The following MATN1 variants were observed in gnomAD, a reference collection of about 807,000 sequenced individuals.
The protein encoded by MATN1 is matrilin 1.
In MATN1, 34 loss-of-function variants were observed where a neutral mutation model predicts 41.3. The ratio of observed to expected loss-of-function variants is 0.82; its 90% CI spans 0.63 to 1.10. The LOEUF (loss-of-function observed/expected upper bound fraction) is 1.10, where lower values mean the gene tolerates loss of function less well. Among genes scored for constraint, MATN1 ranks in the 50% least tolerant of loss-of-function variants. MATN1 has a pLI of 0.00. For missense variants in MATN1, 602 were observed against 662.4 expected (o/e 0.91, Z 1.00); for synonymous variants, 264 against 278.7 (o/e 0.95, Z 0.53).
chr1:30,720,900 G>C (rs565890217), intron 2 of MATN1: 1 of 153,354 alleles, frequency 6.5e-6, no homozygotes, highest in Non-Finnish European at 1.5e-5. Flanking sequence ...CAAATGCCAT[G>C]ATGGGAAGCC....
In MATN1 at chr1:30,712,483, C is replaced by T. The variant is rs1439713168; in HGVS notation, c.*1099G>A. The stretch of plus-strand genomic sequence containing the variant: ...GTTGGGGGCGGGAGGGGAGAGGCAC[C>T]TAGGGCAGCCCAGGCCCAGGCTGGA... On this transcript the variant is annotated 3_prime_UTR_variant, in exon 8 of 8. Coordinates refer to ENST00000373765, the MANE Select transcript of MATN1 (RefSeq NM_002379.3). The T allele has an allele frequency of 6.6e-6, 1 of 152,450 alleles. No homozygotes were observed. Among genetic ancestry groups the T allele is most frequent in the Admixed American group, 6.5e-5 (1 of 15,282 alleles). 9.4% of individuals were successfully genotyped at this position (152,450 alleles called of 1,614,324 possible). A position where few individuals can be genotyped will look rare whatever the true frequency, so the allele number is the denominator to read the frequency against.
intron 6 of MATN1, among the ~76,000 whole-genome samples, chr1:30,714,709 C>T (rs982729311): frequency 1.3e-4 from 20 of 152,214 alleles, no homozygotes; most frequent in African/African-American, 4.8e-4. Context: ...TGCCCATGGC[C>T]AACAGCGTCA....
At chr1:30,713,805 G>A in intron 7 of MATN1, 174 bp from the exon 8 acceptor site, 3 of 651,704 alleles carry the variant, frequency 4.6e-6, no homozygotes, top group Admixed American at 2.3e-5. Context: ...GCCAGTTACT[G>A]TGAGCCACGA....
Position 30,714,995 on chromosome 1 carries a change from T to C in MATN1, c.1360+162A>G, listed in dbSNP as rs1157866929. Among the ~76,000 whole-genome samples, 4 of 152,360 alleles carry C rather than the reference T, an allele frequency of 2.6e-5. No homozygotes were observed. The East Asian group carries it at 7.7e-4, about 29-fold the overall frequency. Reference sequence around the variant, plus strand: ...CGTAACGAGCATTCAACATGTTTGCTGGTAGTAAGAGCTGTAAGCGCCAGC... The same window carrying C: ...CGTAACGAGCATTCAACATGTTTGCCGGTAGTAAGAGCTGTAAGCGCCAGC... On this transcript the variant is annotated intron_variant, in intron 6 of 7. Coordinates refer to ENST00000373765, the MANE Select transcript of MATN1 (RefSeq NM_002379.3).
Position 30,721,720 on chromosome 1 carries a change from C to A in MATN1, c.126G>T (p.Leu42=), listed in dbSNP as rs1253179211. Residue 42 remains leucine, a synonymous_variant, in exon 2 of 8, where the codon CTG becomes CTT. Coordinates refer to ENST00000373765, the MANE Select transcript of MATN1 (RefSeq NM_002379.3). ...GHLCRTRPTD[L]VFVVDSSRSV... ...TGCGAGAGCTGTCGACAACAAACACCAGGTCTGTGGGCCGCGTCCGGCAGA... is the reference window on the plus strand; with the variant it reads ...TGCGAGAGCTGTCGACAACAAACACAAGGTCTGTGGGCCGCGTCCGGCAGA... 1 of 1,612,060 alleles carries A rather than the reference C, an allele frequency of 6.2e-7. No homozygotes were observed. Among genetic ancestry groups the A allele is most frequent in the African/African-American group, 1.3e-5 (1 of 74,916 alleles).
rs1639576753 is a variant in MATN1 at position 30,713,329 on chromosome 1, C to T, written c.*253G>A. The T allele has an allele frequency of 1.8e-6, 1 of 553,844 alleles. No homozygotes were observed. The highest frequency in any genetic ancestry group is 3.0e-5 in the Admixed American group (1 of 33,156). 34.3% of individuals were successfully genotyped at this position (553,844 alleles called of 1,614,324 possible). On this transcript the variant is annotated 3_prime_UTR_variant, in exon 8 of 8. Transcript: ENST00000373765. Reference sequence around the variant, plus strand: ...TCACACTCACCCCTGCATTATCACTCTCACACTCACATTCTGGCAAGACTC... The same window carrying T: ...TCACACTCACCCCTGCATTATCACTTTCACACTCACATTCTGGCAAGACTC...
chr1:30,712,521 A>T lies in MATN1; in HGVS notation c.*1061T>A, dbSNP rs1639559472. ...GGCCCAGGCTGGAGCCCTTCCCATC[A>T]TCTCACACACACACTCACCCCGTGG... On this transcript the variant is annotated 3_prime_UTR_variant, in exon 8 of 8. Coordinates refer to ENST00000373765, the MANE Select transcript of MATN1 (RefSeq NM_002379.3). 6.6e-6 allele frequency: 1 copy of T among 152,572 alleles called. No individual in the cohort carries two copies. The highest frequency in any genetic ancestry group is 1.9e-4 in the East Asian group (1 of 5,182). The allele number at this position is 152,572 out of a possible 1,614,324, so 9.5% of individuals were successfully genotyped here.
intron 6 of MATN1, among the ~76,000 whole-genome samples, chr1:30,714,529 T>A (rs1390535332): frequency 1.3e-5 from 2 of 152,128 alleles, no homozygotes; most frequent in African/African-American, 2.4e-5. Context: ...CTGAACGTCT[T>A]CCTGGTCCCT....
Position 30,715,926 on chromosome 1 carries a change from T to C in MATN1, c.1190A>G (p.Lys397Arg). The change falls in exon 5 of 8, where the codon AAG (lysine) becomes AGG (arginine). Residue 397 changes from lysine to arginine, a missense_variant. Lys to Arg is a conservative substitution (Grantham distance 26). Coordinates refer to ENST00000373765, the MANE Select transcript of MATN1 (RefSeq NM_002379.3). Reference protein sequence around the residue: ...RSQDYINDAAKKAKDLGFKMF... With the variant: ...RSQDYINDAARKAKDLGFKMF... ...ACACCTACCGAGGTCTTTGGCCTTC[T>C]TGGCAGCATCATTAATGTAGTCCTG... The C allele has an allele frequency of 6.2e-7, 1 of 1,613,446 alleles. No individual in the cohort carries two copies. The highest frequency in any genetic ancestry group is 8.5e-7 in the Non-Finnish European group (1 of 1,179,416).
rs1326357469 is a variant in MATN1 at position 30,716,179 on chromosome 1, G to C, written c.937C>G (p.Gln313Glu). ...CTTGAGTACTGCACCAGCCCCACCT[G>C]GGCCAGCTTGTCTGACACGTCCAGC... ...DTLDVSDKLAQVGLVQYSSSV... is the reference protein window; with the variant it reads ...DTLDVSDKLAEVGLVQYSSSV... Residue 313 changes from glutamine to glutamate, a missense_variant, in exon 5 of 8, where the codon CAG becomes GAG. By Grantham distance (29) the Gln-to-Glu change is conservative. Coordinates refer to ENST00000373765, the MANE Select transcript of MATN1 (RefSeq NM_002379.3). The C allele has an allele frequency of 6.2e-7, 1 of 1,614,224 alleles. No individual in the cohort carries two copies. The highest frequency in any genetic ancestry group is 8.5e-7 in the Non-Finnish European group (1 of 1,180,038).
intron 4 of MATN1, 80 bp downstream of exon 4, chr1:30,716,710 C>T (rs1639622309): frequency 1.3e-6 from 2 of 1,561,650 alleles, no homozygotes; most frequent in East Asian, 4.6e-5. Context: ...TGCAGGGAGG[C>T]TTGAATGGGT....
Position 30,712,802 on chromosome 1 carries a change from C to T in MATN1, c.*780G>A, listed in dbSNP as rs1239317447. ...AATGAGTCCTATCTGGTGTCATTGC[C>T]CTTTTTCTCTGAAGCCTTTTTCTTT... On this transcript the variant is annotated 3_prime_UTR_variant, in exon 8 of 8. Coordinates refer to ENST00000373765, the MANE Select transcript of MATN1 (RefSeq NM_002379.3). 4 of 152,188 alleles carry T rather than the reference C, an allele frequency of 2.6e-5. No individual in the cohort carries two copies. Among genetic ancestry groups the T allele is most frequent in the East Asian group, 3.8e-4 (2 of 5,200 alleles). 9.4% of individuals were successfully genotyped at this position (152,188 alleles called of 1,614,324 possible). A position where few individuals can be genotyped will look rare whatever the true frequency, so the allele number is the denominator to read the frequency against.
Position 30,721,621 on chromosome 1 carries a change from G to C in MATN1, c.225C>G (p.Pro75=). ...SQVIESLDVG[P]NATRVGMVNY... ...TGACCATGCCCACCCGGGTGGCATT[G>C]GGCCCCACGTCCAGCGACTCGATGA... The change falls in exon 2 of 8, where the codon CCC becomes CCG. Residue 75 remains proline, a synonymous_variant. Coordinates refer to ENST00000373765, the MANE Select transcript of MATN1 (RefSeq NM_002379.3). 1 of 1,613,554 alleles carries C rather than the reference G, an allele frequency of 6.2e-7. No individual in the cohort carries two copies. Among genetic ancestry groups the C allele is most frequent in the Non-Finnish European group, 8.5e-7 (1 of 1,180,042 alleles).
chr1:30,718,351 C>G (rs1432666596), intron 3 of MATN1, among the ~76,000 whole-genome samples: 2 of 151,406 alleles, frequency 1.3e-5, no homozygotes, highest in African/African-American at 2.4e-5. Context: ...GGAGCCGACT[C>G]TCTCCGCCTC....
Position 30,714,338 on chromosome 1 carries a change from C to T in MATN1, c.1361-11G>A. On this transcript the variant is annotated splice_polypyrimidine_tract_variant and intron_variant, in intron 6 of 7. Coordinates refer to ENST00000373765, the MANE Select transcript of MATN1 (RefSeq NM_002379.3). ...CACACGGGTCTTCCTCTGCAGGGGA[C>T]AAGGAGGAGGGAAAGAGAAAGGAAC... is the stretch of plus-strand genomic sequence containing the variant. 6.2e-7 allele frequency: 1 copy of T among 1,604,210 alleles called. No homozygotes were observed. Among genetic ancestry groups the T allele is most frequent in the East Asian group, 2.2e-5 (1 of 44,672 alleles).
At position 30,723,497 on chromosome 1, in the gene MATN1, G is replaced by A. The variant is rs1639722024; in HGVS notation, c.55C>T (p.Gln19Ter). ...GCGAGGCCAGGGCTGCACAGGGCCTGGAGCAGCAGCAGCAGGCTGCAGAGC... is the reference window on the plus strand; with the variant it reads ...GCGAGGCCAGGGCTGCACAGGGCCTAGAGCAGCAGCAGCAGGCTGCAGAGC... ...LMLCSLLLLLQALCSPGLAPQ... is the reference protein window; with the variant it reads ...LMLCSLLLLL Residue 19 changes from glutamine (Q) to a stop codon, truncating the protein, a stop_gained, in exon 1 of 8, where the codon CAG (glutamine) becomes TAG (stop). Transcript: ENST00000373765. LOFTEE classifies it high-confidence loss of function. 1.3e-6 allele frequency: 2 copies of A among 1,533,500 alleles called. No homozygotes were observed. Among genetic ancestry groups the A allele is most frequent in the Non-Finnish European group, 1.8e-6 (2 of 1,139,590 alleles). 95.0% of individuals were successfully genotyped at this position (1,533,500 alleles called of 1,614,324 possible).
rs1639620502 is a variant in MATN1, at chr1:30,716,545, C to T, written c.791-220G>A. ...ATCACACAGCTCAGAAGTGGTAGCA[C>T]CAGGATTTGATTTTGAGACTATGTG... On this transcript the variant is annotated intron_variant, in intron 4 of 7. Coordinates refer to ENST00000373765, the MANE Select transcript of MATN1 (RefSeq NM_002379.3). Among the ~76,000 whole-genome samples, 4 of 152,214 alleles carry T rather than the reference C, an allele frequency of 2.6e-5. No individual in the cohort carries two copies. The South Asian group carries it at 8.3e-4, about 31-fold the overall frequency.
In MATN1 at chr1:30,723,565, C is replaced by T. The variant is rs531319667; in HGVS notation, c.-14G>A. On this transcript the variant is annotated 5_prime_UTR_variant, in exon 1 of 8. It adds an upstream start codon to the 5' untranslated region. Coordinates refer to ENST00000373765, the MANE Select transcript of MATN1 (RefSeq NM_002379.3). Reference sequence around the variant, plus strand: ...GAGGACCCTCATAGTTCTGGCAGCACGGGCAGCAGCCGGCACGGTTGTGGG... The same window carrying T: ...GAGGACCCTCATAGTTCTGGCAGCATGGGCAGCAGCCGGCACGGTTGTGGG... The T allele has an allele frequency of 3.9e-6, 6 of 1,527,178 alleles. No homozygotes were observed. The highest frequency in any genetic ancestry group is 2.6e-5 in the East Asian group (1 of 38,794). The allele number at this position is 1,527,178 out of a possible 1,614,324, so 94.6% of individuals were successfully genotyped here.
intron 7 of MATN1, 154 bp downstream of exon 7, chr1:30,714,093 G>C (rs999249679): frequency 1.5e-6 from 1 of 647,478 alleles, no homozygotes; most frequent in Non-Finnish European, 2.8e-6. Flanking sequence ...GTGCACCCAA[G>C]CTGGCTTCAG....
Sources: gnomAD v4.1 joint callset for allele counts (sites outside exome capture counted in the v4.1 genomes callset) on GRCh38, gnomAD v4.1.1 for gene constraint, MANE v1.5 for transcripts, NCBI Gene and HGNC (gene_info 2026-07-23, HGNC 2026-07-21) for gene names.